The following LINGO2 variants were observed in gnomAD, a reference collection of about 807,000 sequenced individuals.
LINGO2 encodes leucine-rich repeat and immunoglobulin-like domain-containing nogo receptor-interacting protein 2.
Under a neutral mutation model 30.6 loss-of-function variants are expected in LINGO2, and 14 were observed. That is an observed-to-expected ratio of 0.46 (90% CI 0.30 to 0.72). The LOEUF is 0.72. Among genes scored for constraint, LINGO2 ranks in the 30% least tolerant of loss-of-function variants. The pLI, the probability that LINGO2 is intolerant of heterozygous loss-of-function variation, is 0.07. For synonymous variants in LINGO2, 317 were observed against 288.5 expected (o/e 1.10, Z -1.00); for missense variants, 729 against 751.7 (o/e 0.97, Z 0.35).
chr9:28,413,952 AATT>A (rs1412796830), intron 2 of LINGO2, among the ~76,000 whole-genome samples: 14 of 151,862 alleles, frequency 9.2e-5, no homozygotes, highest in African/African-American at 3.1e-4. Context: ...ATTAATTTAT[AATT>A]ATTATTTAAT....
chr9:28,650,256 C>G (rs1044082332), intron 1 of LINGO2, among the ~76,000 whole-genome samples: 1 of 152,148 alleles, frequency 6.6e-6, no homozygotes, highest in Non-Finnish European at 1.5e-5. Context: ...CTCAAAGACT[C>G]TAGCACGTGG....
chr9:28,907,225 G>A, the LINGO2 span, among the ~76,000 whole-genome samples: 4 of 151,852 alleles, frequency 2.6e-5, no homozygotes, highest in African/African-American at 9.7e-5. Flanking sequence ...AGAAATAGAC[G>A]AAATGGCAAT....
At chr9:28,435,189 C>CT (rs1469659978) in intron 2 of LINGO2, among the ~76,000 whole-genome samples, 2 of 152,104 alleles carry the variant, frequency 1.3e-5, no homozygotes, top group African/African-American at 4.8e-5. Context: ...ATTCAAACAA[C>CT]TACAGACACT....
the LINGO2 span, among the ~76,000 whole-genome samples, chr9:29,017,389 A>G: frequency 1.3e-5 from 2 of 152,180 alleles, no homozygotes; most frequent in Non-Finnish European, 2.9e-5. Context: ...CAAAGCAAAA[A>G]GAGAAAAACA....
At chr9:28,689,156 G>A in the LINGO2 span, among the ~76,000 whole-genome samples, 1 of 152,178 alleles carries the variant, frequency 6.6e-6, no homozygotes, top group Non-Finnish European at 1.5e-5. Context: ...TATTAGGGAA[G>A]TTCACATGTC....
At chr9:28,341,535 G>A (rs913290525) in intron 3 of LINGO2, among the ~76,000 whole-genome samples, 1 of 151,998 alleles carries the variant, frequency 6.6e-6, no homozygotes, top group Non-Finnish European at 1.5e-5. Flanking sequence ...AGCTAATAAA[G>A]CACATGGGAA....
chr9:28,003,360 TAGATAGATAGATAGATAGATAG>T (rs1563901749), intron 5 of LINGO2, among the ~76,000 whole-genome samples: 1 of 147,706 alleles, frequency 6.8e-6, no homozygotes, highest in East Asian at 2.0e-4. Flanking sequence ...GATAGATAGA[TAGATAGATAGATAGATAGATAG>T]ATATAGAGAG....
chr9:29,190,016 G>A, the LINGO2 span, among the ~76,000 whole-genome samples: 4 of 145,850 alleles, frequency 2.7e-5, no homozygotes, highest in Non-Finnish European at 4.5e-5. Flanking sequence ...GAGAGGAAGA[G>A]GGAGACCGTG....
chr9:28,287,131 C>A (rs913799804), intron 4 of LINGO2, among the ~76,000 whole-genome samples: 2 of 152,114 alleles, frequency 1.3e-5, no homozygotes, highest in African/African-American at 4.8e-5. Context: ...CACACTTCCC[C>A]AAGTCTGCAC....
intron 1 of LINGO2, among the ~76,000 whole-genome samples, chr9:28,603,895 C>T (rs190753410): frequency 5.9e-5 from 9 of 151,982 alleles, no homozygotes; most frequent in Admixed American, 3.9e-4. Flanking sequence ...AATTGAGACT[C>T]GTCTGCTTAG....
chr9:28,283,506 T>C (rs999269895), intron 4 of LINGO2, among the ~76,000 whole-genome samples: 1 of 152,196 alleles, frequency 6.6e-6, no homozygotes, highest in Admixed American at 6.5e-5. Flanking sequence ...ATGTATTTTA[T>C]AGTAGAGCAA....
intron 1 of LINGO2, among the ~76,000 whole-genome samples, chr9:28,525,730 T>A (rs1415562839): frequency 1.3e-5 from 2 of 152,088 alleles, no homozygotes; most frequent in Admixed American, 6.6e-5. Context: ...TCTTCATAAC[T>A]GTCACAAAAC....
At chr9:29,151,712 T>G in the LINGO2 span, among the ~76,000 whole-genome samples, 1 of 152,178 alleles carries the variant, frequency 6.6e-6, no homozygotes, top group Non-Finnish European at 1.5e-5. Context: ...TCTAAATATA[T>G]ACACATAAAA....
the LINGO2 span, among the ~76,000 whole-genome samples, chr9:28,880,516 G>A: frequency 7.1e-6 from 1 of 140,348 alleles, no homozygotes; most frequent in Non-Finnish European, 1.6e-5. Context: ...AATGCACTGT[G>A]GAAAGCCGCA....
intron 1 of LINGO2, among the ~76,000 whole-genome samples, chr9:28,507,272 C>G (rs77681593): frequency 0.014 from 2,117 of 150,802 alleles, 48 homozygotes; most frequent in African/African-American, 0.049. Flanking sequence ...GATAATTACT[C>G]TTTCCTACCC....
chr9:29,210,577 T>G, the LINGO2 span, among the ~76,000 whole-genome samples: 2 of 152,160 alleles, frequency 1.3e-5, no homozygotes, highest in Non-Finnish European at 2.9e-5. Flanking sequence ...ACACAGAGCA[T>G]CATCCACTAT....
the LINGO2 span, among the ~76,000 whole-genome samples, chr9:28,725,099 C>T: frequency 6.6e-6 from 1 of 151,946 alleles, no homozygotes; most frequent in Non-Finnish European, 1.5e-5. Context: ...TAATGATGAT[C>T]TATTCCATGA....
the LINGO2 span, among the ~76,000 whole-genome samples, chr9:28,760,945 T>TACACACACACACAC: frequency 4.4e-5 from 6 of 136,220 alleles, no homozygotes; most frequent in African/African-American, 1.6e-4. Flanking sequence ...TATATATATA[T>TACACACACACACAC]ACACACACAC....
the LINGO2 span, among the ~76,000 whole-genome samples, chr9:28,724,522 TG>T: frequency 6.6e-6 from 1 of 152,156 alleles, no homozygotes; most frequent in Non-Finnish European, 1.5e-5. Context: ...CTCATTCCCT[TG>T]GGGTAAACCA....
Sources: gnomAD v4.1 joint callset for allele counts (sites outside exome capture counted in the v4.1 genomes callset) on GRCh38, gnomAD v4.1.1 for gene constraint, MANE v1.5 for transcripts, NCBI Gene and HGNC (gene_info 2026-07-23, HGNC 2026-07-21) for gene names.